TDRD5: variants seen among roughly 807,000 people sequenced by gnomAD.
The protein encoded by TDRD5 is tudor domain containing 5, also known as tudor domain-containing protein 5.
A neutral mutation model predicts 120.6 loss-of-function variants in TDRD5; 41 were observed. The ratio of observed to expected loss-of-function variants is 0.34; its 90% CI spans 0.26 to 0.44. TDRD5 has a LOEUF of 0.44. Ranked by LOEUF, TDRD5 falls within the 20% of genes least tolerant of loss-of-function variation. The pLI, the probability that TDRD5 is intolerant of heterozygous loss-of-function variation, is 1.00. For missense variants in TDRD5, 1,006 were observed against 1,221.2 expected, an observed-to-expected ratio of 0.82 and a Z score of 2.63; for synonymous variants, 430 against 433.7, an observed-to-expected ratio of 0.99 and a Z score of 0.11.
chr1:179,608,960 C>T (rs1027223182), intron 4 of TDRD5, among the ~76,000 whole-genome samples: 1 of 152,006 alleles, frequency 6.6e-6, no homozygotes, highest in Admixed American at 6.6e-5. Context: ...TATATTTAAG[C>T]CCCAGCCTCC....
chr1:179,620,634 T>G (rs1306730517), intron 5 of TDRD5, among the ~76,000 whole-genome samples: 2 of 152,166 alleles, frequency 1.3e-5, no homozygotes, highest in African/African-American at 4.8e-5. Flanking sequence ...GATCTTTTAT[T>G]TTTGCTTAAC....
chr1:179,663,757 GA>G (rs1349940156), intron 16 of TDRD5, among the ~76,000 whole-genome samples: 2 of 152,094 alleles, frequency 1.3e-5, no homozygotes, highest in African/African-American at 4.8e-5. Flanking sequence ...ATTTTAAAAT[GA>G]AAACATAATT....
chr1:179,661,912 C>T (rs1305829281), intron 14 of TDRD5, among the ~76,000 whole-genome samples, 192 bp from the exon 15 acceptor site: 1 of 152,120 alleles, frequency 6.6e-6, no homozygotes, highest in African/African-American at 2.4e-5. Context: ...CTCTTCTGTT[C>T]TCTTTGACTA....
At chr1:179,602,082 A>C (rs1156567907) in intron 4 of TDRD5, among the ~76,000 whole-genome samples, 1 of 152,216 alleles carries the variant, frequency 6.6e-6, no homozygotes, top group Non-Finnish European at 1.5e-5. Flanking sequence ...CTGGGATTAC[A>C]GGCATAAGCC....
At chr1:179,637,226 A>G (rs1250487656) in intron 9 of TDRD5, among the ~76,000 whole-genome samples, 2 of 152,194 alleles carry the variant, frequency 1.3e-5, no homozygotes, top group Admixed American at 1.3e-4. Flanking sequence ...GCATAATGTA[A>G]GTCACATAAT....
At chr1:179,593,999 C>G (rs1157540856) in intron 3 of TDRD5, 132 bp downstream of exon 3, 8 of 1,160,848 alleles carry the variant, frequency 6.9e-6, no homozygotes, top group South Asian at 6.8e-5. Context: ...GCGAACTGTT[C>G]AATCTACTTA....
rs1680835288 is a variant in TDRD5, at chr1:179,687,940, C to G, written c.2861-2756C>G. 2.3e-5 allele frequency among the ~76,000 whole-genome samples: 3 copies of G among 131,400 alleles called. 1 individual carries two copies. In the South Asian group the frequency reaches 7.5e-4, roughly 33 times the overall value. 86.2% of individuals were successfully genotyped at this position (131,400 alleles called of 152,430 possible). A position where few individuals can be genotyped will look rare whatever the true frequency, so the allele number is the denominator to read the frequency against. On this transcript the variant is annotated intron_variant, in intron 17 of 17. Coordinates refer to ENST00000444136, the MANE Select transcript of TDRD5 (RefSeq NM_001199085.3). ...CTTTATTTTGAGCCTATGTGTGTCT[C>G]TGCACATGAGATGGGTCTCATGAAT...
chr1:179,667,074 C>T (rs4652433), intron 16 of TDRD5, among the ~76,000 whole-genome samples: 45,641 of 152,036 alleles, frequency 0.3, 7,799 homozygotes, highest in Admixed American at 0.4. Flanking sequence ...TCTTATCCAG[C>T]ATATCTGGGG....
Position 179,662,804 on chromosome 1 carries a change from A to G in TDRD5, c.2505+518A>G, listed in dbSNP as rs12564337. Among the ~76,000 whole-genome samples, 117 of 152,278 alleles carry G rather than the reference A, an allele frequency of 7.7e-4. No homozygotes were observed. The East Asian group carries it at 0.022, about 29-fold the overall frequency. Reference sequence around the variant, plus strand: ...CAATAAACCATAGGCCAATTTTTGCATATCTGCCCTTTTAATCATTGTGAT... The same window carrying G: ...CAATAAACCATAGGCCAATTTTTGCGTATCTGCCCTTTTAATCATTGTGAT... On this transcript the variant is annotated intron_variant, in intron 15 of 17. Transcript: ENST00000444136.
intron 17 of TDRD5, among the ~76,000 whole-genome samples, chr1:179,669,778 A>G (rs1225125836): frequency 1.3e-5 from 2 of 152,086 alleles, no homozygotes; most frequent in South Asian, 4.1e-4. Flanking sequence ...AGTCAGTCCC[A>G]TTGCCTACTT....
intron 14 of TDRD5, among the ~76,000 whole-genome samples, chr1:179,660,856 A>G (rs532231580): frequency 1.6e-4 from 25 of 152,200 alleles, no homozygotes; most frequent in African/African-American, 6.0e-4. Context: ...TCCTTTAACA[A>G]TTATTTTTGA....
chr1:179,642,342 C>T (rs999423482), intron 11 of TDRD5, among the ~76,000 whole-genome samples: 6 of 152,062 alleles, frequency 3.9e-5, no homozygotes, highest in South Asian at 2.1e-4. Flanking sequence ...TCAAGTGATC[C>T]GCCCACCTCG....
chr1:179,618,731 T>C, intron 5 of TDRD5, 49 bp downstream of exon 5: 1 of 1,362,508 alleles, frequency 7.3e-7, no homozygotes, highest in Non-Finnish European at 1.0e-6. Flanking sequence ...TTTATAAATT[T>C]ATATATCATT....
chr1:179,602,487 T>G (rs1373366253), intron 4 of TDRD5, among the ~76,000 whole-genome samples: 1 of 152,226 alleles, frequency 6.6e-6, no homozygotes, highest in Non-Finnish European at 1.5e-5. Context: ...CAATGTTATC[T>G]TCTAGAATTT....
intron 6 of TDRD5, among the ~76,000 whole-genome samples, chr1:179,626,802 G>A: frequency 6.6e-6 from 1 of 152,202 alleles, no homozygotes; most frequent in East Asian, 1.9e-4. Context: ...AAGAGAAAAT[G>A]ACAGGTATTA....
rs1025952782 is a variant in TDRD5 at position 179,595,915 on chromosome 1, T to G, written c.831+97T>G. 1.8e-5 allele frequency: 22 copies of G among 1,232,460 alleles called. No homozygotes were observed. In the African/African-American group the frequency reaches 2.3e-4, roughly 13 times the overall value. 76.3% of individuals were successfully genotyped at this position (1,232,460 alleles called of 1,614,324 possible). A position where few individuals can be genotyped will look rare whatever the true frequency, so the allele number is the denominator to read the frequency against. ...ATGGAAAAGTTGACCTTTTAAAAAC[T>G]GAAGTCATTCACTTATTTCAAATTT... On this transcript the variant is annotated intron_variant, in intron 4 of 17. Coordinates refer to ENST00000444136, the MANE Select transcript of TDRD5 (RefSeq NM_001199085.3).
chr1:179,618,628 ACAGAT>A lies in TDRD5; in HGVS notation c.862_866del (p.Gln288TrpfsTer13). 1 of 1,597,438 alleles carries A rather than the reference ACAGAT, an allele frequency of 6.3e-7. No individual in the cohort carries two copies. Among genetic ancestry groups the A allele is most frequent in the Non-Finnish European group, 8.5e-7 (1 of 1,173,602 alleles). On this transcript the variant is annotated frameshift_variant, in exon 5 of 18. Coordinates refer to ENST00000444136, the MANE Select transcript of TDRD5 (RefSeq NM_001199085.3). LOFTEE classifies it high-confidence loss of function. ...AGAACACATTCAAATCAGTTATTGC[ACAGAT>A]TGGACCTGGAGGAACTATCAGTTCA...
intron 17 of TDRD5, among the ~76,000 whole-genome samples, chr1:179,676,553 G>T (rs904112948): frequency 1.3e-5 from 2 of 152,132 alleles, no homozygotes; most frequent in African/African-American, 4.8e-5. Flanking sequence ...TGGTAGTGGC[G>T]AAGTCTCTCA....
chr1:179,644,794 G>T (rs2102039639), intron 11 of TDRD5, among the ~76,000 whole-genome samples: 1 of 151,726 alleles, frequency 6.6e-6, no homozygotes, highest in Non-Finnish European at 1.5e-5. Context: ...ACCAAGTTTG[G>T]CTTTCTTGTT....
Sources: gnomAD v4.1 joint callset for allele counts (sites outside exome capture counted in the v4.1 genomes callset) on GRCh38, gnomAD v4.1.1 for gene constraint, MANE v1.5 for transcripts, NCBI Gene and HGNC (gene_info 2026-07-23, HGNC 2026-07-21) for gene names.